Variants in UGT1A7 observed in about 807,000 individuals in gnomAD.
UGT1A7 encodes the protein UDP-glucuronosyltransferase 1A7.
In UGT1A7, 33 loss-of-function variants were observed where a neutral mutation model predicts 45.6. The ratio of observed to expected loss-of-function variants is 0.72; its 90% CI spans 0.55 to 0.97. The LOEUF is 0.97. UGT1A7 is among the 50% of genes least tolerant of loss of function. The pLI is 0.00. For synonymous variants in UGT1A7, 274 were observed against 250.6 expected (o/e 1.09, Z -0.88); for missense variants, 684 against 666.2 (o/e 1.03, Z -0.29).
chr2:233,701,749 G>A (rs1406078090), intron 1 of UGT1A7, among the ~76,000 whole-genome samples: 1 of 152,128 alleles, frequency 6.6e-6, no homozygotes, highest in Admixed American at 6.5e-5. Flanking sequence ...TAACTACTGG[G>A]TACATAACGA....
intron 1 of UGT1A7, among the ~76,000 whole-genome samples, chr2:233,684,227 C>A (rs754642033): frequency 1.3e-5 from 2 of 152,108 alleles, no homozygotes; most frequent in Non-Finnish European, 2.9e-5. Flanking sequence ...TGCAACCAAG[C>A]GCTTTCTAAA....
intron 1 of UGT1A7, chr2:233,691,227 C>T (rs1202389398): frequency 2.0e-6 from 2 of 985,416 alleles, no homozygotes; most frequent in African/African-American, 3.5e-5. Context: ...TTCCTGGAGT[C>T]TTATTGCTAT....
rs147479386 is a variant in UGT1A7 at position 233,767,984 on chromosome 2, G to A, written c.1075+48G>A. The A allele has an allele frequency of 9.4e-4, 1,519 of 1,614,138 alleles. 17 individuals carry two copies. The African/African-American group carries it at 0.018, about 19-fold the overall frequency. On this transcript the variant is annotated intron_variant, in intron 3 of 4. Transcript: ENST00000373426. ...ATAGGTCAAACCAGGGTCAAATTAAGAAAATGGCTTAAGCACAGCTATTCT... is the reference window on the plus strand; with the variant it reads ...ATAGGTCAAACCAGGGTCAAATTAAAAAAATGGCTTAAGCACAGCTATTCT...
intron 1 of UGT1A7, among the ~76,000 whole-genome samples, chr2:233,759,294 C>A (rs1363540933): frequency 6.6e-6 from 1 of 152,134 alleles, no homozygotes; most frequent in Non-Finnish European, 1.5e-5. Context: ...TGAAGCTGAG[C>A]CCTGAGTGGC....
intron 1 of UGT1A7, among the ~76,000 whole-genome samples, chr2:233,758,517 G>C (rs1696901755): frequency 6.6e-6 from 1 of 152,214 alleles, no homozygotes; most frequent in Non-Finnish European, 1.5e-5. Flanking sequence ...ACACAACAAA[G>C]AGTGAAAGCA....
chr2:233,695,791 A>G (rs532521101), intron 1 of UGT1A7, among the ~76,000 whole-genome samples: 1 of 152,262 alleles, frequency 6.6e-6, no homozygotes, highest in African/African-American at 2.4e-5. Flanking sequence ...CATTCTGTAT[A>G]TGTACTATCT....
intron 1 of UGT1A7, among the ~76,000 whole-genome samples, chr2:233,728,669 T>C (rs1349775872): frequency 3.9e-5 from 6 of 152,276 alleles, no homozygotes; most frequent in Admixed American, 3.9e-4. Context: ...GCGTTACTCA[T>C]ACATGAGAAG....
chr2:233,693,097 G>T, intron 1 of UGT1A7: 1 of 1,614,146 alleles, frequency 6.2e-7, no homozygotes, highest in South Asian at 1.1e-5. Flanking sequence ...AGCTGCTGGT[G>T]GTCCCTCAGG....
chr2:233,768,874 G>A (rs1264130017), intron 4 of UGT1A7, among the ~76,000 whole-genome samples: 1 of 151,996 alleles, frequency 6.6e-6, no homozygotes, highest in East Asian at 1.9e-4. Flanking sequence ...ATGAGCCAGC[G>A]CGTCTGACCT....
At chr2:233,719,829 G>A (rs899051575) in intron 1 of UGT1A7, 67 of 1,549,978 alleles carry the variant, frequency 4.3e-5, no homozygotes, top group Admixed American at 9.6e-5. Flanking sequence ...ACTGTTGAGG[G>A]GCCTAGTGTA....
intron 1 of UGT1A7, chr2:233,693,062 CT>C (rs752839721): frequency 1.2e-6 from 2 of 1,614,140 alleles, no homozygotes; most frequent in Admixed American, 3.3e-5. Flanking sequence ...CTTCTTAGCA[CT>C]TTGGGGCATG....
Position 233,719,547 on chromosome 2 carries a change from GTGTCAGTGGTGGATCT to G in UGT1A7, c.855+36762_855+36777del. 3 of 1,613,900 alleles carry G rather than the reference GTGTCAGTGGTGGATCT, an allele frequency of 1.9e-6. No individual in the cohort carries two copies. The Middle Eastern group carries it at 5.0e-4, about 266-fold the overall frequency. The stretch of plus-strand genomic sequence containing the variant: ...TGCCTCTGAGCTTTTTCAGAGAGAG[GTGTCAGTGGTGGATCT>G]TGTCAGCTATGCATCCGTGTGGCTG... On this transcript the variant is annotated intron_variant, in intron 1 of 4. Coordinates refer to ENST00000373426, the MANE Select transcript of UGT1A7 (RefSeq NM_019077.3).
chr2:233,719,182 C>T, intron 1 of UGT1A7: 1 of 1,614,216 alleles, frequency 6.2e-7, no homozygotes, highest in South Asian at 1.1e-5. Context: ...AACAATGTAT[C>T]TTTGGCCCTT....
At chr2:233,729,661 G>T in intron 1 of UGT1A7, 1 of 1,613,902 alleles carries the variant, frequency 6.2e-7, no homozygotes, top group Non-Finnish European at 8.5e-7. Flanking sequence ...CATTCCATGT[G>T]ATTTAGACTT....
At chr2:233,746,247 A>G (rs939163155) in intron 1 of UGT1A7, among the ~76,000 whole-genome samples, 1 of 151,776 alleles carries the variant, frequency 6.6e-6, no homozygotes, top group Non-Finnish European at 1.5e-5. Context: ...AAAAGATACA[A>G]GGCAGAACAG....
intron 1 of UGT1A7, chr2:233,691,019 G>A (rs149229244): frequency 8.9e-5 from 88 of 992,638 alleles, no homozygotes; most frequent in Non-Finnish European, 1.0e-4. Flanking sequence ...GGCTGTGGTT[G>A]GAAGGGCTCA....
chr2:233,719,570 C>T (rs1385911118), intron 1 of UGT1A7: 16 of 1,613,822 alleles, frequency 9.9e-6, no homozygotes, highest in African/African-American at 1.3e-5. Flanking sequence ...ATCTTGTCAG[C>T]TATGCATCCG....
At chr2:233,725,697 GTAGT>G (rs2077468291) in intron 1 of UGT1A7, among the ~76,000 whole-genome samples, 1 of 152,126 alleles carries the variant, frequency 6.6e-6, no homozygotes, top group South Asian at 2.1e-4. Flanking sequence ...ATAGTCATAT[GTAGT>G]TAGTGACTAC....
intron 1 of UGT1A7, among the ~76,000 whole-genome samples, chr2:233,717,385 T>G (rs2076570298): frequency 6.6e-6 from 1 of 152,230 alleles, no homozygotes; most frequent in Non-Finnish European, 1.5e-5. Context: ...AGACCTGCCC[T>G]CTCTGTGCCA....
Sources: gnomAD v4.1 joint callset for allele counts (sites outside exome capture counted in the v4.1 genomes callset) on GRCh38, gnomAD v4.1.1 for gene constraint, MANE v1.5 for transcripts, NCBI Gene and HGNC (gene_info 2026-07-23, HGNC 2026-07-21) for gene names.